ADK: variants seen among roughly 807,000 people sequenced by gnomAD.
The protein encoded by ADK is adenosine kinase.
Under a neutral mutation model 44.7 loss-of-function variants are expected in ADK, and 24 were observed. The observed-to-expected ratio is 0.54, with a 90% CI of 0.39 to 0.76. The LOEUF (loss-of-function observed/expected upper bound fraction) is 0.76. Among genes scored for constraint, ADK ranks in the 30% least tolerant of loss-of-function variants. ADK has a pLI of 0.00. For missense variants in ADK, 321 were observed against 425.1 expected (o/e 0.76, Z 2.15); for synonymous variants, 128 against 142.6 (o/e 0.90, Z 0.73).
Position 74,215,716 on chromosome 10 carries a change from A to G in ADK, c.141-8822A>G, listed in dbSNP as rs545982007. 1.0e-3 allele frequency among the ~76,000 whole-genome samples: 147 copies of G among 143,798 alleles called. 1 individual carries two copies. Among genetic ancestry groups the G allele is most frequent in the African/African-American group, 3.6e-3 (137 of 38,428 alleles). 94.3% of individuals were successfully genotyped at this position (143,798 alleles called of 152,430 possible). On this transcript the variant is annotated intron_variant, in intron 2 of 10. Coordinates refer to ENST00000539909, the MANE Select transcript of ADK (RefSeq NM_006721.4). The stretch of plus-strand genomic sequence containing the variant: ...AGTCTTGCTCTGTCACCCAGGCTAG[A>G]GTGCAGTGGCTCGATCTCGGCTCAC...
chr10:74,160,046 T>C (rs1453213763), intron 1 of ADK, among the ~76,000 whole-genome samples: 1 of 151,556 alleles, frequency 6.6e-6, no homozygotes, highest in East Asian at 1.9e-4. Flanking sequence ...AGGAAGAGAG[T>C]TTTTCTATAT....
At chr10:74,593,605 A>G (rs545727274) in intron 8 of ADK, among the ~76,000 whole-genome samples, 1 of 152,282 alleles carries the variant, frequency 6.6e-6, no homozygotes, top group South Asian at 2.1e-4. Flanking sequence ...TGTGACTGGA[A>G]TGGAGTTAGT....
At chr10:74,225,967 C>G (rs536635400) in intron 3 of ADK, among the ~76,000 whole-genome samples, 4 of 152,076 alleles carry the variant, frequency 2.6e-5, no homozygotes, top group Admixed American at 2.6e-4. Context: ...ATTAAAAATA[C>G]CAGAAATCTG....
intron 9 of ADK, among the ~76,000 whole-genome samples, chr10:74,647,857 G>C (rs1854109633): frequency 6.6e-6 from 1 of 152,080 alleles, no homozygotes; most frequent in African/African-American, 2.4e-5. Context: ...AATTAAGTAA[G>C]CTCATTTGAT....
chr10:74,212,412 A>G (rs1046453065), intron 2 of ADK, among the ~76,000 whole-genome samples: 1 of 152,202 alleles, frequency 6.6e-6, no homozygotes, highest in African/African-American at 2.4e-5. Context: ...GCAGCTTGTA[A>G]TCTAATTGAG....
chr10:74,635,868 G>A (rs1440733371), intron 9 of ADK, among the ~76,000 whole-genome samples: 1 of 151,304 alleles, frequency 6.6e-6, no homozygotes, highest in African/African-American at 2.4e-5. Context: ...AGAATTGTAT[G>A]AGGCCAGGGA....
chr10:74,244,380 T>A (rs1014541044), intron 3 of ADK, among the ~76,000 whole-genome samples: 3 of 152,190 alleles, frequency 2.0e-5, no homozygotes, highest in Admixed American at 6.5e-5. Flanking sequence ...GCATTGTATT[T>A]TGGGTGTAGA....
chr10:74,541,400 TGATCCA>T, intron 7 of ADK, among the ~76,000 whole-genome samples: 1 of 152,334 alleles, frequency 6.6e-6, no homozygotes, highest in African/African-American at 2.4e-5. Flanking sequence ...CCTTTTTGAC[TGATCCA>T]GATCCAGTCC....
chr10:74,155,313 G>A (rs1841715444), intron 1 of ADK, among the ~76,000 whole-genome samples: 1 of 151,720 alleles, frequency 6.6e-6, no homozygotes, highest in South Asian at 2.1e-4. Flanking sequence ...TGAGACCCTC[G>A]AATCTTTAAA....
chr10:74,455,553 A>C (rs1845914369), intron 6 of ADK, among the ~76,000 whole-genome samples: 1 of 151,914 alleles, frequency 6.6e-6, no homozygotes, highest in African/African-American at 2.4e-5. Flanking sequence ...CTCCGTCACC[A>C]GGCTGAAGTG....
At chr10:74,362,372 T>G (rs1842363061) in intron 4 of ADK, among the ~76,000 whole-genome samples, 1 of 150,928 alleles carries the variant, frequency 6.6e-6, no homozygotes, top group Non-Finnish European at 1.5e-5. Flanking sequence ...TTCATTAATT[T>G]TTTTTTTTTA....
intron 4 of ADK, among the ~76,000 whole-genome samples, chr10:74,353,855 G>A (rs928338528): frequency 1.2e-4 from 19 of 152,224 alleles, no homozygotes; most frequent in Admixed American, 9.8e-4. Context: ...GCGACAGAGC[G>A]AGACTCTGTT....
chr10:74,360,581 T>C (rs1842301815), intron 4 of ADK, among the ~76,000 whole-genome samples: 1 of 152,202 alleles, frequency 6.6e-6, no homozygotes, highest in African/African-American at 2.4e-5. Flanking sequence ...TCTTTCCCTT[T>C]GTATCTAATA....
chr10:74,407,039 G>A (rs1395212788), intron 6 of ADK, among the ~76,000 whole-genome samples: 1 of 150,260 alleles, frequency 6.7e-6, no homozygotes, highest in Non-Finnish European at 1.5e-5. Context: ...CTGGAGTGCA[G>A]TGGCACAATA....
chr10:74,621,482 A>T (rs772783043), intron 9 of ADK, among the ~76,000 whole-genome samples: 4 of 152,050 alleles, frequency 2.6e-5, no homozygotes, highest in African/African-American at 9.7e-5. Context: ...GCTTTGTCAT[A>T]TATTTTGAAG....
intron 3 of ADK, among the ~76,000 whole-genome samples, chr10:74,231,973 T>G (rs1014992198): frequency 6.6e-5 from 10 of 151,950 alleles, no homozygotes; most frequent in Non-Finnish European, 1.3e-4. Flanking sequence ...CTTTTTTTTT[T>G]TCTTTTACTG....
chr10:74,319,967 C>CT (rs1413624748), intron 4 of ADK, among the ~76,000 whole-genome samples: 1 of 151,946 alleles, frequency 6.6e-6, no homozygotes, highest in African/African-American at 2.4e-5. Flanking sequence ...ATTCATTTGT[C>CT]TTTTAAATCA....
At chr10:74,389,283 A>G (rs1401053072) in intron 4 of ADK, among the ~76,000 whole-genome samples, 1 of 152,208 alleles carries the variant, frequency 6.6e-6, no homozygotes, top group African/African-American at 2.4e-5. Flanking sequence ...GAGAATCAAA[A>G]TCTAGTAGTT....
intron 2 of ADK, among the ~76,000 whole-genome samples, chr10:74,215,728 C>T (rs927282661): frequency 1.4e-4 from 21 of 145,032 alleles, no homozygotes; most frequent in African/African-American, 4.6e-4. Context: ...TGCAGTGGCT[C>T]GATCTCGGCT....
Sources: gnomAD v4.1 joint callset for allele counts (sites outside exome capture counted in the v4.1 genomes callset) on GRCh38, gnomAD v4.1.1 for gene constraint, MANE v1.5 for transcripts, NCBI Gene and HGNC (gene_info 2026-07-23, HGNC 2026-07-21) for gene names.